Variants in CNOT10 observed in about 807,000 individuals in gnomAD.
CNOT10 encodes CCR4-NOT transcription complex, subunit 10.
A neutral mutation model predicts 94.6 loss-of-function variants in CNOT10; 30 were observed. The ratio of observed to expected loss-of-function variants is 0.32; its 90% CI spans 0.24 to 0.43. The LOEUF (loss-of-function observed/expected upper bound fraction) is 0.43. CNOT10 is among the 20% of genes least tolerant of loss of function. The pLI is 1.00. For missense variants in CNOT10, 759 were observed against 877.2 expected, an observed-to-expected ratio of 0.87 and a Z score of 1.70; for synonymous variants, 289 against 301.6, an observed-to-expected ratio of 0.96 and a Z score of 0.43.
chr3:32,752,095 C>T (rs1299148989), intron 13 of CNOT10, among the ~76,000 whole-genome samples: 1 of 152,088 alleles, frequency 6.6e-6, no homozygotes, highest in Non-Finnish European at 1.5e-5. Context: ...TCGGGACCAG[C>T]CTGACCAACA....
intron 3 of CNOT10, among the ~76,000 whole-genome samples, chr3:32,707,123 TA>T (rs1326751474): frequency 6.6e-6 from 1 of 152,232 alleles, no homozygotes; most frequent in African/African-American, 2.4e-5. Context: ...GCAATCTTCA[TA>T]ATGGCAAAGG....
In CNOT10 at chr3:32,766,448, C is replaced by T. The variant is rs111277353; in HGVS notation, c.2004+1639C>T. Among the ~76,000 whole-genome samples, 2 of 46,454 alleles carry T rather than the reference C, an allele frequency of 4.3e-5. 1 individual carries two copies. The highest frequency in any genetic ancestry group is 1.3e-4 in the African/African-American group (2 of 14,948). 30.5% of individuals were successfully genotyped at this position (46,454 alleles called of 152,430 possible). Reference sequence around the variant, plus strand: ...GAGATCAAGACCATCCTGGCTAACACGGTGAAACCCTGTCTCTACTAAAAA... The same window carrying T: ...GAGATCAAGACCATCCTGGCTAACATGGTGAAACCCTGTCTCTACTAAAAA... On this transcript the variant is annotated intron_variant, in intron 17 of 18. Coordinates refer to ENST00000328834, the MANE Select transcript of CNOT10 (RefSeq NM_015442.3).
intron 14 of CNOT10, 74 bp downstream of exon 14, chr3:32,759,645 G>C: frequency 2.8e-6 from 3 of 1,065,092 alleles, no homozygotes; most frequent in Non-Finnish European, 4.3e-6. Context: ...GGTTTATGTT[G>C]CTTCTTTTGA....
At chr3:32,771,004 C>T (rs954659107) in intron 18 of CNOT10, among the ~76,000 whole-genome samples, 2 of 151,914 alleles carry the variant, frequency 1.3e-5, no homozygotes, top group Non-Finnish European at 1.5e-5. Flanking sequence ...TGAGCCAGAG[C>T]GACGACCCAT....
intron 12 of CNOT10, among the ~76,000 whole-genome samples, chr3:32,735,986 G>T (rs1401588121): frequency 1.3e-5 from 2 of 152,032 alleles, no homozygotes; most frequent in African/African-American, 4.8e-5. Flanking sequence ...ATAGAAATTG[G>T]GAGAACTTTT....
chr3:32,754,401 T>TGGGAGGCGGAGCTTGCA (rs1700107200), intron 13 of CNOT10, among the ~76,000 whole-genome samples: 1 of 124,306 alleles, frequency 8.0e-6, no homozygotes, highest in Non-Finnish European at 1.6e-5. Context: ...GGCATGAACC[T>TGGGAGGCGGAGCTTGCA]GGGAGGCGGA....
chr3:32,760,151 G>T (rs1700381073), intron 14 of CNOT10, among the ~76,000 whole-genome samples: 1 of 149,048 alleles, frequency 6.7e-6, no homozygotes, highest in African/African-American at 2.5e-5. Context: ...CTGCACTCCA[G>T]TCTAGGCTAC....
chr3:32,730,841 A>G (rs374578491), intron 10 of CNOT10: 3 of 152,194 alleles, frequency 2.0e-5, no homozygotes, highest in East Asian at 1.9e-4. Context: ...AAATATGGGA[A>G]AAGATCTGCT....
chr3:32,758,713 A>G lies in CNOT10; in HGVS notation c.1596-745A>G, dbSNP rs890975939. ...CAGTTGTTTAACATTCAAGTGATCT[A>G]TTAGTATTAAGTCTTTAACCAGACT... On this transcript the variant is annotated intron_variant, in intron 13 of 18. Coordinates refer to ENST00000328834, the MANE Select transcript of CNOT10 (RefSeq NM_015442.3). Among the ~76,000 whole-genome samples the G allele has an allele frequency of 3.3e-5, 5 of 152,210 alleles. No individual in the cohort carries two copies. The East Asian group carries it at 9.6e-4, about 29-fold the overall frequency.
intron 1 of CNOT10, among the ~76,000 whole-genome samples, chr3:32,699,080 C>G (rs1697213750): frequency 6.6e-6 from 1 of 152,220 alleles, no homozygotes; most frequent in Non-Finnish European, 1.5e-5. Context: ...GCCACCACAC[C>G]TGGCCAACAA....
Position 32,773,659 on chromosome 3 carries a change from C to T in CNOT10, c.*48C>T, listed in dbSNP as rs763734066. On this transcript the variant is annotated 3_prime_UTR_variant, in exon 19 of 19. Coordinates refer to ENST00000328834, the MANE Select transcript of CNOT10 (RefSeq NM_015442.3). ...TACCTGAGACCCAGGGGAGAATTTA[C>T]TGGCCATTTTAGTTGTATCACAGCA... 2.6e-6 allele frequency: 4 copies of T among 1,552,068 alleles called. No homozygotes were observed. The South Asian group carries it at 4.8e-5, about 19-fold the overall frequency.
intron 1 of CNOT10, among the ~76,000 whole-genome samples, chr3:32,685,969 G>C (rs1323132884): frequency 6.6e-6 from 1 of 152,000 alleles, no homozygotes; most frequent in South Asian, 2.1e-4. Flanking sequence ...GACGGGCGGG[G>C]GTCTCGCTAT....
chr3:32,761,446 G>A (rs1182576715), intron 14 of CNOT10, among the ~76,000 whole-genome samples: 2 of 152,190 alleles, frequency 1.3e-5, no homozygotes, highest in Admixed American at 6.5e-5. Flanking sequence ...ACACTAGAGT[G>A]CAGTAGCACA....
intron 12 of CNOT10, 117 bp from the exon 13 acceptor site, chr3:32,737,293 C>T (rs536939050): frequency 1.6e-5 from 10 of 633,284 alleles, no homozygotes; most frequent in African/African-American, 3.7e-5. Context: ...CCATCCTGAG[C>T]GACGAGCAAA....
At position 32,727,695 on chromosome 3, in the gene CNOT10, G is replaced by A; in HGVS notation, c.1040G>A (p.Cys347Tyr). ...AAAAAATTTTCAGGAAGACCCATGTGTACGTTACTAACCAATAAGAGATAT... is the reference window on the plus strand; with the variant it reads ...AAAAAATTTTCAGGAAGACCCATGTATACGTTACTAACCAATAAGAGATAT... ...PGKKFSGRPM[C>Y]TLLTNKRYEL... The change falls in exon 10 of 19, where the codon TGT (cysteine) becomes TAT (tyrosine). Residue 347 changes from cysteine (C) to tyrosine (Y), a missense_variant. Transcript: ENST00000328834. 1 of 1,613,732 alleles carries A rather than the reference G, an allele frequency of 6.2e-7. No individual in the cohort carries two copies. Among genetic ancestry groups the A allele is most frequent in the Non-Finnish European group, 8.5e-7 (1 of 1,179,756 alleles).
intron 1 of CNOT10, among the ~76,000 whole-genome samples, chr3:32,697,647 T>C (rs1697138368): frequency 6.6e-6 from 1 of 152,048 alleles, no homozygotes; most frequent in Admixed American, 6.6e-5. Flanking sequence ...ATTAAAACAA[T>C]TTTTTAAAAT....
chr3:32,764,607 T>C (rs1700587937), intron 16 of CNOT10, 75 bp from the exon 17 acceptor site: 13 of 1,604,334 alleles, frequency 8.1e-6, no homozygotes, highest in Admixed American at 1.7e-5. Flanking sequence ...AAGTGGCTCC[T>C]CAAGGCGATA....
chr3:32,703,422 A>G (rs1487646073), intron 1 of CNOT10, among the ~76,000 whole-genome samples: 2 of 152,182 alleles, frequency 1.3e-5, no homozygotes, highest in Non-Finnish European at 2.9e-5. Context: ...TACGTACATA[A>G]CTATGATAAA....
At chr3:32,706,450 T>C (rs1449672595) in intron 3 of CNOT10, among the ~76,000 whole-genome samples, 2 of 152,240 alleles carry the variant, frequency 1.3e-5, no homozygotes, top group Non-Finnish European at 2.9e-5. Context: ...TTGAGTTTCC[T>C]AGAAGTGTTT....
Sources: allele counts gnomAD v4.1 joint callset (sites outside exome capture counted in the v4.1 genomes callset), GRCh38; gene constraint gnomAD v4.1.1; transcripts MANE v1.5; gene names NCBI Gene and HGNC (gene_info 2026-07-23, HGNC 2026-07-21).